The following PSD3 variants were observed in gnomAD, a reference collection of about 807,000 sequenced individuals.
PSD3 encodes PH and SEC7 domain-containing protein 3.
In PSD3, 49 loss-of-function variants were observed where a neutral mutation model predicts 105.5. The ratio of observed to expected loss-of-function variants is 0.46; its 90% CI spans 0.37 to 0.59. The LOEUF is 0.59. PSD3 is among the 20% of genes least tolerant of loss of function. PSD3 has a pLI of 0.00. For missense variants in PSD3, 1,561 were observed against 1,263.8 expected (o/e 1.24, Z -3.57); for synonymous variants, 557 against 457.8 (o/e 1.22, Z -2.77).
At chr8:18,693,901 A>C (rs953405700) in intron 9 of PSD3, among the ~76,000 whole-genome samples, 8 of 152,166 alleles carry the variant, frequency 5.3e-5, no homozygotes, top group African/African-American at 1.9e-4. Context: ...ATTACAACTG[A>C]CTTATATTAG....
At chr8:18,648,562 T>C (rs1321750335) in intron 10 of PSD3, among the ~76,000 whole-genome samples, 1 of 152,200 alleles carries the variant, frequency 6.6e-6, no homozygotes, top group Non-Finnish European at 1.5e-5. Context: ...AAACTGGAAC[T>C]TATATCTAAA....
chr8:18,808,968 G>T, intron 4 of PSD3: 1 of 1,397,044 alleles, frequency 7.2e-7, no homozygotes, highest in South Asian at 1.7e-5. Context: ...TTTCTGTAAT[G>T]TTTCTGCAGT....
intron 9 of PSD3, among the ~76,000 whole-genome samples, chr8:18,695,127 C>G (rs985000877): frequency 2.0e-5 from 3 of 152,102 alleles, no homozygotes; most frequent in Admixed American, 1.3e-4. Flanking sequence ...ACTAAAGATC[C>G]CTAGCAGAGG....
intron 12 of PSD3, among the ~76,000 whole-genome samples, chr8:18,575,610 T>C (rs1285451370): frequency 6.6e-6 from 1 of 152,158 alleles, no homozygotes; most frequent in African/African-American, 2.4e-5. Context: ...CATTTTATAA[T>C]GAACAGAAAT....
intron 9 of PSD3, among the ~76,000 whole-genome samples, chr8:18,717,072 C>CA (rs1408819639): frequency 6.6e-6 from 1 of 152,124 alleles, no homozygotes; most frequent in African/African-American, 2.4e-5. Context: ...TAGTTAGAAA[C>CA]AAAAACGAAA....
chr8:18,701,230 C>T (rs972796324), intron 9 of PSD3, among the ~76,000 whole-genome samples: 1 of 151,894 alleles, frequency 6.6e-6, no homozygotes, highest in African/African-American at 2.4e-5. Context: ...TTAACTTCCC[C>T]AAATTCTGAG....
At chr8:18,739,648 C>T (rs1257403912) in intron 9 of PSD3, among the ~76,000 whole-genome samples, 1 of 151,940 alleles carries the variant, frequency 6.6e-6, no homozygotes, top group Non-Finnish European at 1.5e-5. Flanking sequence ...TTTATAGTAG[C>T]AAAAAAATAA....
intron 1 of PSD3, chr8:18,989,190 G>A (rs1160264218): frequency 1.3e-5 from 2 of 152,330 alleles, no homozygotes; most frequent in Non-Finnish European, 2.9e-5. Context: ...CACCTCCTGT[G>A]CACTGGAGCT....
intron 1 of PSD3, among the ~76,000 whole-genome samples, chr8:18,959,172 C>A (rs191327760): frequency 2.6e-5 from 4 of 152,256 alleles, no homozygotes; most frequent in African/African-American, 9.6e-5. Context: ...CCGCCCGACT[C>A]GGCCTCCCAA....
chr8:18,700,602 G>A (rs941112149), intron 9 of PSD3, among the ~76,000 whole-genome samples: 9 of 152,276 alleles, frequency 5.9e-5, no homozygotes, highest in Admixed American at 5.9e-4. Flanking sequence ...AGACATACTG[G>A]GGGAAAACCA....
intron 1 of PSD3, among the ~76,000 whole-genome samples, chr8:18,975,467 G>A (rs1824892620): frequency 6.6e-6 from 1 of 152,116 alleles, no homozygotes; most frequent in South Asian, 2.1e-4. Context: ...GTTTGTAGCC[G>A]ATTTCTGCCA....
chr8:18,797,506 T>A (rs532059719), intron 8 of PSD3, among the ~76,000 whole-genome samples: 2 of 152,158 alleles, frequency 1.3e-5, no homozygotes, highest in Non-Finnish European at 2.9e-5. Context: ...TGTCCTAGAT[T>A]TGCAGCTCTA....
At chr8:19,005,583 C>G (rs1586616092) in intron 1 of PSD3, among the ~76,000 whole-genome samples, 1 of 151,954 alleles carries the variant, frequency 6.6e-6, no homozygotes, top group Non-Finnish European at 1.5e-5. Context: ...CTCCTGGGCT[C>G]AAGCAATCCT....
chr8:18,830,317 G>A (rs1266296702), intron 4 of PSD3, among the ~76,000 whole-genome samples: 1 of 152,188 alleles, frequency 6.6e-6, no homozygotes. Context: ...CTATATTAAA[G>A]CCTTTAGGTC....
intron 1 of PSD3, among the ~76,000 whole-genome samples, chr8:18,944,815 C>T (rs940589784): frequency 7.2e-5 from 11 of 152,172 alleles, no homozygotes; most frequent in African/African-American, 2.4e-4. Context: ...TGACAGAAGC[C>T]TCTTCAAGTT....
chr8:18,574,519 C>G (rs372969540), intron 13 of PSD3, among the ~76,000 whole-genome samples: 50 of 152,340 alleles, frequency 3.3e-4, no homozygotes, highest in Middle Eastern at 3.4e-3. Context: ...TAACCTCCCC[C>G]TAAAACTGGC....
At chr8:18,596,575 T>A (rs1313412543) in intron 12 of PSD3, among the ~76,000 whole-genome samples, 1 of 151,578 alleles carries the variant, frequency 6.6e-6, no homozygotes, top group Non-Finnish European at 1.5e-5. Flanking sequence ...AAATTGACAA[T>A]CCTTTAGCTG....
chr8:18,706,558 A>G (rs893588355), intron 9 of PSD3, among the ~76,000 whole-genome samples: 2 of 152,242 alleles, frequency 1.3e-5, no homozygotes, highest in African/African-American at 4.8e-5. Context: ...ATAGAAGAGC[A>G]CTGGTGGTGC....
chr8:18,747,568 G>A (rs1805132717), intron 9 of PSD3, among the ~76,000 whole-genome samples: 1 of 152,144 alleles, frequency 6.6e-6, no homozygotes, highest in African/African-American at 2.4e-5. Context: ...AATGGAAAAA[G>A]AGGAAACCAG....
Sources: allele counts gnomAD v4.1 joint callset (sites outside exome capture counted in the v4.1 genomes callset), GRCh38; gene constraint gnomAD v4.1.1; transcripts MANE v1.5; gene names NCBI Gene and HGNC (gene_info 2026-07-23, HGNC 2026-07-21).